The following RFX7 variants were observed in gnomAD, a reference collection of about 807,000 sequenced individuals.
The protein encoded by RFX7 is regulatory factor X7, also known as DNA-binding protein RFX7.
A neutral mutation model predicts 111.8 loss-of-function variants in RFX7; 26 were observed. The ratio of observed to expected loss-of-function variants is 0.23; its 90% CI spans 0.17 to 0.32. RFX7 has a LOEUF of 0.32. Among genes scored for constraint, RFX7 ranks in the 10% least tolerant of loss-of-function variants. The probability of loss-of-function intolerance (pLI) is 1.00; values close to 1 mark genes in which losing one functional copy is unlikely to be tolerated. For synonymous variants in RFX7, 624 were observed against 624.4 expected (o/e 1.00, Z 0.01); for missense variants, 1,573 against 1,772.9 (o/e 0.89, Z 2.02).
chr15:56,176,666 A>G (rs1319599871), intron 3 of RFX7, among the ~76,000 whole-genome samples: 1 of 152,148 alleles, frequency 6.6e-6, no homozygotes, highest in Non-Finnish European at 1.5e-5. Flanking sequence ...AACCTGTGGT[A>G]TAATAAATAC....
chr15:56,097,308 A>C (rs2041692391), intron 9 of RFX7, among the ~76,000 whole-genome samples: 2 of 152,250 alleles, frequency 1.3e-5, no homozygotes, highest in African/African-American at 4.8e-5. Flanking sequence ...AATAGAGGTT[A>C]ATAAACTAGC....
intron 2 of RFX7, among the ~76,000 whole-genome samples, chr15:56,199,848 T>C (rs1304310746): frequency 6.6e-5 from 10 of 152,262 alleles, no homozygotes; most frequent in South Asian, 6.2e-4. Context: ...ATAACAAGCA[T>C]GTAATAGGTT....
intron 5 of RFX7, among the ~76,000 whole-genome samples, chr15:56,108,272 C>G (rs2041858421): frequency 6.6e-6 from 1 of 152,156 alleles, no homozygotes; most frequent in Non-Finnish European, 1.5e-5. Context: ...GGCCAGTATC[C>G]CTGACGAACA....
chr15:56,244,629 C>T (rs1474851776), upstream of RFX7, among the ~76,000 whole-genome samples: 15 of 146,832 alleles, frequency 1.0e-4, no homozygotes, highest in South Asian at 2.3e-3. Flanking sequence ...TTATACCGCT[C>T]CCAATTCCAC....
chr15:56,158,682 T>C (rs1269041658), intron 3 of RFX7, among the ~76,000 whole-genome samples: 5 of 151,962 alleles, frequency 3.3e-5, no homozygotes, highest in Non-Finnish European at 4.4e-5. Flanking sequence ...AATTAGCTGG[T>C]GTGGTGGTGC....
At chr15:56,187,211 A>ATTTTT (rs572991858) in intron 2 of RFX7, among the ~76,000 whole-genome samples, 1 of 142,176 alleles carries the variant, frequency 7.0e-6, no homozygotes, top group African/African-American at 2.6e-5. Flanking sequence ...TACTGGTAGA[A>ATTTTT]TTTTTTTTTT....
At chr15:56,172,295 A>C (rs750872808) in intron 3 of RFX7, among the ~76,000 whole-genome samples, 39 of 152,184 alleles carry the variant, frequency 2.6e-4, no homozygotes, top group African/African-American at 9.2e-4. Context: ...CACTTTGACT[A>C]AACTTTGACT....
At chr15:56,109,447 C>T (rs1228998569) in intron 5 of RFX7, among the ~76,000 whole-genome samples, 1 of 151,714 alleles carries the variant, frequency 6.6e-6, no homozygotes, top group African/African-American at 2.4e-5. Flanking sequence ...GCCGAGATTG[C>T]AGCCTCTGCC....
intron 5 of RFX7, among the ~76,000 whole-genome samples, chr15:56,131,370 C>G (rs1459660701): frequency 2.0e-5 from 3 of 147,110 alleles, no homozygotes; most frequent in Non-Finnish European, 4.5e-5. Context: ...TGAGCTCAAG[C>G]AATCCTCCAA....
chr15:56,095,438 C>G lies in RFX7; in HGVS notation c.2290G>C (p.Val764Leu). The change falls in exon 10 of 10, where the codon GTC (valine) becomes CTC (leucine). Residue 764 changes from valine (V) to leucine (L), a missense_variant. This residue lies in a region of RFX7 where 625 missense variants were observed against 632.2 expected (regional missense o/e 0.99). Transcript: ENST00000559447. Reference protein sequence around the residue: ...PDIKVKLEGSVFLLDSDSKSV... With the variant: ...PDIKVKLEGSLFLLDSDSKSV... The stretch of plus-strand genomic sequence containing the variant: ...TTTGAATCACTGTCCAAGAGAAAGA[C>G]ACTTCCTTCAAGTTTTACTTTTATA... 2 of 1,612,680 alleles carry G rather than the reference C, an allele frequency of 1.2e-6. No individual in the cohort carries two copies. Among genetic ancestry groups the G allele is most frequent in the South Asian group, 2.2e-5 (2 of 91,086 alleles).
chr15:56,174,870 A>G (rs1452249485), intron 3 of RFX7, among the ~76,000 whole-genome samples: 1 of 151,970 alleles, frequency 6.6e-6, no homozygotes, highest in East Asian at 1.9e-4. Flanking sequence ...TGTTAACTTC[A>G]TATTGTATGG....
chr15:56,152,817 C>A (rs2042593075), intron 3 of RFX7, among the ~76,000 whole-genome samples: 1 of 147,944 alleles, frequency 6.8e-6, no homozygotes, highest in African/African-American at 2.5e-5. Flanking sequence ...ACTAGCCAGA[C>A]TAATAAAGAA....
rs555902124 is a variant in RFX7, at chr15:56,243,565, C to A, written c.-123G>T. On this transcript the variant is annotated 5_prime_UTR_variant, in exon 1 of 10. Coordinates refer to ENST00000559447, the MANE Select transcript of RFX7 (RefSeq NM_022841.7). ...AGGCATGGCGGCGCCCCTCAGCCCCCCGCTGGCGCCGCCGCCTCCTCCCGT... is the reference window on the plus strand; with the variant it reads ...AGGCATGGCGGCGCCCCTCAGCCCCACGCTGGCGCCGCCGCCTCCTCCCGT... 9.5e-5 allele frequency: 89 copies of A among 939,964 alleles called. No homozygotes were observed. In the Middle Eastern group the frequency reaches 3.3e-3, roughly 35 times the overall value. The allele number at this position is 939,964 out of a possible 1,614,324, so 58.2% of individuals were successfully genotyped here.
chr15:56,110,316 G>A (rs1178933362), intron 5 of RFX7, among the ~76,000 whole-genome samples: 3 of 57,594 alleles, frequency 5.2e-5, no homozygotes, highest in Admixed American at 1.6e-4. Context: ...CGGGAGGGAG[G>A]TGGGGGGGGG....
intron 5 of RFX7, among the ~76,000 whole-genome samples, chr15:56,104,477 C>G (rs184603149): frequency 4.1e-4 from 62 of 152,302 alleles, no homozygotes; most frequent in African/African-American, 1.4e-3. Flanking sequence ...GAGGAATTCC[C>G]TTGTCTCCGC....
intron 3 of RFX7, among the ~76,000 whole-genome samples, chr15:56,148,706 C>T (rs183545988): frequency 2.4e-4 from 36 of 152,260 alleles, no homozygotes; most frequent in Non-Finnish European, 3.7e-4. Flanking sequence ...TTTCTCAGTC[C>T]ACTTTGCAGT....
intron 2 of RFX7, 64 bp downstream of exon 2, chr15:56,243,061 C>CCCCCCCCCCTT: frequency 9.6e-7 from 1 of 1,036,974 alleles, no homozygotes. Flanking sequence ...CCGCCGCCCC[C>CCCCCCCCCCTT]CACCCACTTT....
intron 2 of RFX7, among the ~76,000 whole-genome samples, chr15:56,215,944 C>A (rs1426999134): frequency 6.6e-6 from 1 of 152,110 alleles, no homozygotes; most frequent in Non-Finnish European, 1.5e-5. Context: ...TCACAAGAGC[C>A]TCTCTGTGGG....
intron 2 of RFX7, among the ~76,000 whole-genome samples, chr15:56,225,373 T>C (rs2043471128): frequency 6.6e-6 from 1 of 152,158 alleles, no homozygotes; most frequent in Non-Finnish European, 1.5e-5. Context: ...TGGGTCATTG[T>C]CTTCATTATG....
Sources: allele counts gnomAD v4.1 joint callset (sites outside exome capture counted in the v4.1 genomes callset), GRCh38; gene constraint gnomAD v4.1.1; regional missense constraint gnomAD v4.1.1; transcripts MANE v1.5; gene names NCBI Gene and HGNC (gene_info 2026-07-23, HGNC 2026-07-21).